Variants in PWWP2A observed in about 807,000 individuals in gnomAD.
PWWP2A encodes the protein PWWP domain containing 2A.
Under a neutral mutation model 48.5 loss-of-function variants are expected in PWWP2A, and 18 were observed. The ratio of observed to expected loss-of-function variants is 0.37; its 90% CI spans 0.26 to 0.55. The LOEUF (loss-of-function observed/expected upper bound fraction) is 0.55. PWWP2A is among the 20% of genes least tolerant of loss of function. The pLI, the probability that PWWP2A is intolerant of heterozygous loss-of-function variation, is 0.81. For synonymous variants in PWWP2A, 396 were observed against 387.7 expected (o/e 1.02, Z -0.25); for missense variants, 867 against 976.4 (o/e 0.89, Z 1.49).
rs377446936 is a variant in PWWP2A at position 160,086,011 on chromosome 5, G to A, written c.1550-5241C>T. ...TTTTTGTATTTTTAATAGAGACGGG[G>A]TTTCACCATGTTGGCCACGCTGGCC... On this transcript the variant is annotated intron_variant, in intron 2 of 3. Transcript: ENST00000456329. Among the ~76,000 whole-genome samples the A allele has an allele frequency of 8.0e-4, 121 of 151,472 alleles. 2 individuals carry two copies. The highest frequency in any genetic ancestry group is 2.9e-3 in the African/African-American group (118 of 41,234).
At chr5:160,083,431 C>T (rs1160498532) in intron 2 of PWWP2A, among the ~76,000 whole-genome samples, 1 of 152,200 alleles carries the variant, frequency 6.6e-6, no homozygotes, top group Non-Finnish European at 1.5e-5. Flanking sequence ...TCTACTCAAT[C>T]ATACGAGCAG....
downstream of PWWP2A, chr5:160,090,143 A>C (rs1212697389): frequency 1.0e-6 from 1 of 984,928 alleles, no homozygotes; most frequent in Admixed American, 6.2e-5. Context: ...TACAAAACTG[A>C]TTGTTATTTT....
At chr5:160,054,338 G>A in the PWWP2A span, among the ~76,000 whole-genome samples, 1 of 152,210 alleles carries the variant, frequency 6.6e-6, no homozygotes, top group Non-Finnish European at 1.5e-5. Flanking sequence ...AGTTGGCTGG[G>A]TACAGTAGCT....
Position 160,091,341 on chromosome 5 carries a change from T to C in PWWP2A, c.*1041A>G. On this transcript the variant is annotated 3_prime_UTR_variant, in exon 2 of 2. Coordinates refer to ENST00000307063, the MANE Select transcript of PWWP2A (RefSeq NM_001130864.2). ...TTTTGAGAAACACACACAAATAATT[T>C]GGATTTAGTTGATTTTATTTACAGC... 1.0e-6 allele frequency: 1 copy of C among 979,720 alleles called. No homozygotes were observed. The allele number at this position is 979,720 out of a possible 1,614,324, so 60.7% of individuals were successfully genotyped here. A position where few individuals can be genotyped will look rare whatever the true frequency, so the allele number is the denominator to read the frequency against.
At chr5:160,062,306 A>C (rs923784626) in intron 5 of PWWP2A, among the ~76,000 whole-genome samples, 1 of 152,224 alleles carries the variant, frequency 6.6e-6, no homozygotes, top group African/African-American at 2.4e-5. Flanking sequence ...CCTTTAGTGC[A>C]GACCAGCCTA....
chr5:160,108,021 C>A (rs1757074136), intron 1 of PWWP2A, among the ~76,000 whole-genome samples: 1 of 151,994 alleles, frequency 6.6e-6, no homozygotes, highest in Non-Finnish European at 1.5e-5. Context: ...AAAAAGGAAA[C>A]CCCAAGTCCA....
chr5:160,050,627 CTTT>C, the PWWP2A span, among the ~76,000 whole-genome samples: 17 of 109,296 alleles, frequency 1.6e-4, no homozygotes, highest in Admixed American at 1.9e-4. Context: ...CCAAACAAAA[CTTT>C]TTTTTTTTTT....
chr5:160,093,412 C>T lies in PWWP2A; in HGVS notation c.1238G>A (p.Ser413Asn), dbSNP rs1346601995. ...AQANTSKAQL[S>N]TKKVLQSKNM... The stretch of plus-strand genomic sequence containing the variant: ...CTTACTCTGGAGAACTTTTTTAGTA[C>T]TTAACTGAGCTTTTGATGTATTTGC... The change falls in exon 2 of 2, where the codon AGT (serine) becomes AAT (asparagine). Residue 413 changes from serine (S) to asparagine (N), a missense_variant. Ser to Asn is a conservative substitution (Grantham distance 46, BLOSUM62 1). Coordinates refer to ENST00000307063, the MANE Select transcript of PWWP2A (RefSeq NM_001130864.2). The surrounding 1 kb of genome is among the most constrained non-coding windows in gnomAD (Gnocchi z 5.8). 5 of 1,613,438 alleles carry T rather than the reference C, an allele frequency of 3.1e-6. No homozygotes were observed. The highest frequency in any genetic ancestry group is 4.2e-6 in the Non-Finnish European group (5 of 1,179,780).
At chr5:160,046,837 C>T in the PWWP2A span, among the ~76,000 whole-genome samples, 16 of 152,044 alleles carry the variant, frequency 1.1e-4, no homozygotes, top group Non-Finnish European at 2.2e-4. Flanking sequence ...TATGGTGAAA[C>T]CCTGTCTCTA....
chr5:160,049,588 G>A, the PWWP2A span: 26 of 1,612,394 alleles, frequency 1.6e-5, no homozygotes, highest in African/African-American at 2.9e-4. Flanking sequence ...GGACAAGCTA[G>A]ATGAAGCCCT....
chr5:160,093,689 G>T lies in PWWP2A; in HGVS notation c.961C>A (p.Leu321Met), dbSNP rs776478062. 6.2e-7 allele frequency: 1 copy of T among 1,613,896 alleles called. No individual in the cohort carries two copies. Among genetic ancestry groups the T allele is most frequent in the Non-Finnish European group, 8.5e-7 (1 of 1,179,868 alleles). The change falls in exon 2 of 2, where the codon CTG (leucine) becomes ATG (methionine). Residue 321 changes from leucine to methionine, a missense_variant. Physicochemically the swap from Leu to Met is conservative, Grantham distance 15. This residue lies in a region of PWWP2A where 382 missense variants were observed against 407.2 expected (regional missense o/e 0.94). Coordinates refer to ENST00000307063, the MANE Select transcript of PWWP2A (RefSeq NM_001130864.2). This position sits in a 1 kb window ranked among gnomAD's most constrained non-coding sequence, Gnocchi z 5.8. ...ACACTGTTTTTACATTTATCACACA[G>T]AACTTGCCTGGGTCGTAGTTTAATA... ...NAIKLRPRQV[L>M]CDKCKNSVVA...
chr5:160,049,883 G>A, the PWWP2A span, among the ~76,000 whole-genome samples: 2 of 152,010 alleles, frequency 1.3e-5, 1 homozygote, highest in African/African-American at 4.8e-5. Context: ...CTCGAGACCA[G>A]CCTGGCCAAC....
At chr5:160,072,513 C>T (rs1255392129), downstream of PWWP2A, among the ~76,000 whole-genome samples, 1 of 152,062 alleles carries the variant, frequency 6.6e-6, no homozygotes, top group African/African-American at 2.4e-5. Context: ...GGATTGCTTT[C>T]GCCCAGGAGT....
chr5:160,087,923 C>T (rs1413737847), downstream of PWWP2A, among the ~76,000 whole-genome samples: 1 of 152,056 alleles, frequency 6.6e-6, no homozygotes, highest in Non-Finnish European at 1.5e-5. Flanking sequence ...ACCAAAATAC[C>T]CTGGAAAACT....
intron 2 of PWWP2A, among the ~76,000 whole-genome samples, chr5:160,068,149 C>A (rs1753657787): frequency 1.3e-5 from 2 of 152,138 alleles, no homozygotes; most frequent in African/African-American, 4.8e-5. Context: ...CCACTGCAGT[C>A]CAGCCTAGGT....
intron 4 of PWWP2A, among the ~76,000 whole-genome samples, chr5:160,064,151 T>C (rs1456974846): frequency 6.6e-6 from 1 of 152,046 alleles, no homozygotes; most frequent in Non-Finnish European, 1.5e-5. Context: ...GTATTTTTTG[T>C]AGAGATAGGG....
At chr5:160,075,107 G>A (rs1288501199), downstream of PWWP2A, among the ~76,000 whole-genome samples, 1 of 152,128 alleles carries the variant, frequency 6.6e-6, no homozygotes, top group Non-Finnish European at 1.5e-5. Context: ...ATGTATACAT[G>A]ACCAGGATCA....
At chr5:160,048,126 CTTTTTTTTTTTTTTT>C in the PWWP2A span, among the ~76,000 whole-genome samples, 9 of 35,570 alleles carry the variant, frequency 2.5e-4, no homozygotes, top group Admixed American at 1.0e-3. Context: ...CAAGACATTG[CTTTTTTTTTTTTTTT>C]TTTTTTTTTT....
chr5:160,117,770 G>T (rs1758290628), intron 1 of PWWP2A: 3 of 487,456 alleles, frequency 6.2e-6, no homozygotes, highest in Non-Finnish European at 8.0e-6. Context: ...TCCCCAAATG[G>T]GAAAGAAGGA....
Sources: gnomAD v4.1 joint callset for allele counts (sites outside exome capture counted in the v4.1 genomes callset) on GRCh38, gnomAD v4.1.1 for gene constraint, gnomAD v4.1.1 regional missense constraint, Gnocchi (gnomAD v3.1) non-coding constraint, MANE v1.5 for transcripts, NCBI Gene and HGNC (gene_info 2026-07-23, HGNC 2026-07-21) for gene names.